Variants in COG7 observed in about 807,000 individuals in gnomAD.
The protein encoded by COG7 is conserved oligomeric Golgi complex subunit 7.
COG7 carries 49 observed loss-of-function variants against 91.5 expected under a neutral mutation model. That is an observed-to-expected ratio of 0.54 (90% CI 0.43 to 0.68). COG7 has a LOEUF of 0.68. Ranked by LOEUF, COG7 falls within the 30% of genes least tolerant of loss-of-function variation. The pLI is 0.00. For missense variants in COG7, 895 were observed against 961.3 expected, an observed-to-expected ratio of 0.93 and a Z score of 0.91; for synonymous variants, 365 against 388.7, an observed-to-expected ratio of 0.94 and a Z score of 0.72.
At chr16:23,420,120 C>T (rs889655485) in intron 7 of COG7, among the ~76,000 whole-genome samples, 4 of 152,024 alleles carry the variant, frequency 2.6e-5, no homozygotes, top group Non-Finnish European at 4.4e-5. Flanking sequence ...AGCGAGAGTC[C>T]GTCTCAAAAC....
Position 23,403,734 on chromosome 16 carries a change from AG to A in COG7, c.1762del (p.Leu588CysfsTer52). 6.2e-7 allele frequency: 1 copy of A among 1,614,212 alleles called. No individual in the cohort carries two copies. The highest frequency in any genetic ancestry group is 8.5e-7 in the Non-Finnish European group (1 of 1,180,028). ...AHQLAFDSVF[L>X]RIKQQLLLIS... ...AAGCAACAGCTGTTGTTTGATGCGC[AG>A]GAACACGGAATCGAAAGCCAGCTGG... On this transcript the variant is annotated frameshift_variant, in exon 13 of 17. Coordinates refer to ENST00000307149, the MANE Select transcript of COG7 (RefSeq NM_153603.4). LOFTEE classifies it high-confidence loss of function.
chr16:23,413,306 C>A, intron 10 of COG7, 142 bp downstream of exon 10: 1 of 718,044 alleles, frequency 1.4e-6, no homozygotes, highest in Non-Finnish European at 2.6e-6. Flanking sequence ...TGTTTAGAGT[C>A]TGGAGTATTT....
chr16:23,448,927 A>G (rs1054317207), intron 1 of COG7, among the ~76,000 whole-genome samples: 1 of 152,218 alleles, frequency 6.6e-6, no homozygotes, highest in Non-Finnish European at 1.5e-5. Context: ...AAAAGCAGGT[A>G]CTATTCACAT....
intron 6 of COG7, among the ~76,000 whole-genome samples, chr16:23,426,054 A>C (rs1389859287): frequency 3.3e-5 from 5 of 152,094 alleles, no homozygotes; most frequent in Non-Finnish European, 5.9e-5. Flanking sequence ...TCTCTGCTAA[A>C]AATACAAAAA....
chr16:23,409,173 C>T (rs1567333543), intron 11 of COG7, among the ~76,000 whole-genome samples: 1 of 151,876 alleles, frequency 6.6e-6, no homozygotes, highest in Non-Finnish European at 1.5e-5. Context: ...ACCAGCAGCA[C>T]CTAGACTCCT....
Position 23,448,258 on chromosome 16 carries a change from G to A in COG7, c.170-2297C>T, listed in dbSNP as rs370378052. On this transcript the variant is annotated intron_variant, in intron 1 of 16. Coordinates refer to ENST00000307149, the MANE Select transcript of COG7 (RefSeq NM_153603.4). ...GAAAGGTCTTTCGCAGGCTGATCCC[G>A]ATCTATTTATCTGCCTCATCTTCAG... Among the ~76,000 whole-genome samples, 269 of 152,208 alleles carry A rather than the reference G, an allele frequency of 1.8e-3. 14 individuals are homozygous for A. In the South Asian group the frequency reaches 0.05, roughly 28 times the overall value.
chr16:23,403,814 G>A lies in COG7; in HGVS notation c.1683C>T (p.His561=), dbSNP rs973697498. The change falls in exon 13 of 17, where the codon CAC becomes CAT. Residue 561 remains histidine, a synonymous_variant. Transcript: ENST00000307149. ...YTLKEKGSSN[H]NLLAAPRAAL... ...CTGCTCGAGGTGCAGCCAGCAGGTTGTGGTTGCTTGACCCTTTTTCCTAAG... is the reference window on the plus strand; with the variant it reads ...CTGCTCGAGGTGCAGCCAGCAGGTTATGGTTGCTTGACCCTTTTTCCTAAG... The A allele has an allele frequency of 2.5e-6, 4 of 1,614,104 alleles. No individual in the cohort carries two copies. Among genetic ancestry groups the A allele is most frequent in the African/African-American group, 1.3e-5 (1 of 74,928 alleles).
At chr16:23,441,590 A>T (rs1447774688) in intron 4 of COG7, among the ~76,000 whole-genome samples, 2 of 152,076 alleles carry the variant, frequency 1.3e-5, no homozygotes, top group African/African-American at 4.8e-5. Context: ...AACAAAAAAA[A>T]TTTACTGGCA....
chr16:23,445,062 TCTC>T lies in COG7; in HGVS notation c.418_420del (p.Glu140del). 2.5e-6 allele frequency: 4 copies of T among 1,613,334 alleles called. No homozygotes were observed. Among genetic ancestry groups the T allele is most frequent in the Non-Finnish European group, 3.4e-6 (4 of 1,179,324 alleles). On this transcript the variant is annotated inframe_deletion, in exon 3 of 17. Coordinates refer to ENST00000307149, the MANE Select transcript of COG7 (RefSeq NM_153603.4). ...AAGAAACCTACCTGAGTCTTAAATGTCTCCTCAATATCGGCGCTCAACGTGCTC... is the reference window on the plus strand; with the variant it reads ...AAGAAACCTACCTGAGTCTTAAATGTCTCAATATCGGCGCTCAACGTGCTC...
intron 6 of COG7, 29 bp from the exon 7 acceptor site, chr16:23,424,976 T>C: frequency 6.4e-7 from 1 of 1,567,562 alleles, no homozygotes; most frequent in Non-Finnish European, 8.7e-7. Flanking sequence ...GTACCTGCCT[T>C]AGCACATGGA....
chr16:23,421,203 T>C (rs1963750755), intron 7 of COG7, among the ~76,000 whole-genome samples: 1 of 151,804 alleles, frequency 6.6e-6, no homozygotes, highest in East Asian at 1.9e-4. Flanking sequence ...ATTAGGTACA[T>C]GTATTAACTA....
At chr16:23,435,622 G>A (rs1397142677) in intron 4 of COG7, among the ~76,000 whole-genome samples, 1 of 152,036 alleles carries the variant, frequency 6.6e-6, no homozygotes, top group African/African-American at 2.4e-5. Flanking sequence ...GCTCCTGTCC[G>A]CCCCCTTCTG....
rs377483147 is a variant in COG7, at chr16:23,433,703, C to T, written c.688-36G>A. 2.5e-5 allele frequency: 41 copies of T among 1,612,464 alleles called. No homozygotes were observed. In the African/African-American group the frequency reaches 2.9e-4, roughly 12 times the overall value. ...AGAACAAAGGGAACCTTATTGGGTA[C>T]GTCAACATAGGTTGCCTGTGAACAC... On this transcript the variant is annotated intron_variant, in intron 5 of 16. Coordinates refer to ENST00000307149, the MANE Select transcript of COG7 (RefSeq NM_153603.4).
chr16:23,444,791 C>A (rs1964155942), intron 3 of COG7, among the ~76,000 whole-genome samples: 1 of 152,080 alleles, frequency 6.6e-6, no homozygotes, highest in Non-Finnish European at 1.5e-5. Flanking sequence ...CAGGTATGAG[C>A]CACAGTGCCT....
In COG7 at chr16:23,424,753, G is replaced by A. The variant is rs532636981; in HGVS notation, c.1005C>T (p.His335=). The part of the protein sequence containing the change: ...AKGLEMALLP[H]LHEHNLVKVT... ...CTGGCAGGAAGGAATGTTTACGTAG[G>A]TGGGGGAGCAGTGCCATCTCCAAGC... is the stretch of plus-strand genomic sequence containing the variant. The change falls in exon 7 of 17, where the codon CAC becomes CAT. Residue 335 remains histidine (H), a synonymous_variant. Coordinates refer to ENST00000307149, the MANE Select transcript of COG7 (RefSeq NM_153603.4). The A allele has an allele frequency of 5.5e-5, 88 of 1,614,152 alleles. 3 individuals are homozygous for A. In the South Asian group the frequency reaches 8.6e-4, roughly 16 times the overall value.
Position 23,388,893 on chromosome 16 carries a change from C to G in COG7, c.*27G>C, listed in dbSNP as rs760969309. 2 of 1,613,858 alleles carry G rather than the reference C, an allele frequency of 1.2e-6. No individual in the cohort carries two copies. The highest frequency in any genetic ancestry group is 1.1e-5 in the South Asian group (1 of 91,028). On this transcript the variant is annotated 3_prime_UTR_variant, in exon 17 of 17. Transcript: ENST00000307149. ...GAGTCGCGAAACAGCAGCCCTGGCT[C>G]TCTTGGTGGTCCGGTGTGTGGTGGG...
At chr16:23,396,350 A>C (rs980995199) in intron 14 of COG7, among the ~76,000 whole-genome samples, 4 of 152,094 alleles carry the variant, frequency 2.6e-5, no homozygotes, top group African/African-American at 9.7e-5. Flanking sequence ...TTTCTGAATC[A>C]ATTTAGACTG....
At chr16:23,430,209 A>C (rs1336479771) in intron 6 of COG7, among the ~76,000 whole-genome samples, 2 of 152,176 alleles carry the variant, frequency 1.3e-5, no homozygotes, top group Non-Finnish European at 2.9e-5. Context: ...TGGGAGGATC[A>C]CTTGAGCCCA....
At chr16:23,407,574 C>T (rs944181275) in intron 11 of COG7, among the ~76,000 whole-genome samples, 2 of 152,196 alleles carry the variant, frequency 1.3e-5, no homozygotes, top group Non-Finnish European at 2.9e-5. Flanking sequence ...CCCTCTGCGC[C>T]ATCAGCCAAT....
Sources: allele counts gnomAD v4.1 joint callset (sites outside exome capture counted in the v4.1 genomes callset), GRCh38; gene constraint gnomAD v4.1.1; transcripts MANE v1.5; gene names NCBI Gene and HGNC (gene_info 2026-07-23, HGNC 2026-07-21).